Variants in TAF2 observed in about 807,000 individuals in gnomAD.
TAF2 encodes the protein transcription initiation factor TFIID subunit 2.
Under a neutral mutation model 138.5 loss-of-function variants are expected in TAF2, and 61 were observed. The ratio of observed to expected loss-of-function variants is 0.44; its 90% CI spans 0.36 to 0.54. The LOEUF (loss-of-function observed/expected upper bound fraction) is 0.54, where lower values mean the gene tolerates loss of function less well. Ranked by LOEUF, TAF2 falls within the 20% of genes least tolerant of loss-of-function variation. The pLI is 0.00. For synonymous variants in TAF2, 475 were observed against 469.9 expected, an observed-to-expected ratio of 1.01 and a Z score of -0.14; for missense variants, 1,090 against 1,427.9, an observed-to-expected ratio of 0.76 and a Z score of 3.81.
rs1038262284 is a variant in TAF2, at chr8:119,794,688, C to T, written c.1191+844G>A. On this transcript the variant is annotated intron_variant, in intron 9 of 25. Coordinates refer to ENST00000378164, the MANE Select transcript of TAF2 (RefSeq NM_003184.4). ...TATTTATAAAACATTTGTAACAGTGCGTGAAATATTTTAAGTGTTGTGTTA... is the reference window on the plus strand; with the variant it reads ...TATTTATAAAACATTTGTAACAGTGTGTGAAATATTTTAAGTGTTGTGTTA... Among the ~76,000 whole-genome samples the T allele has an allele frequency of 3.9e-5, 6 of 152,148 alleles. 1 individual carries two copies. Among genetic ancestry groups the T allele is most frequent in the South Asian group, 4.2e-4 (2 of 4,818 alleles).
At position 119,762,415 on chromosome 8, in the gene TAF2, C is replaced by G; in HGVS notation, c.2558G>C (p.Ser853Thr). The change falls in exon 19 of 26, where the codon AGT (serine) becomes ACT (threonine). Residue 853 changes from serine to threonine, a missense_variant and splice_region_variant. Ser to Thr is a moderately conservative substitution (Grantham distance 58). This residue lies in a region of TAF2 where 580 missense variants were observed against 719.6 expected (regional missense o/e 0.81). Transcript: ENST00000378164. ...TTTAAAGTAAGGAATTTAATCATAC[C>G]TGACAGTGATGGTATGCCTGTAACT... is the stretch of plus-strand genomic sequence containing the variant. ...LPSYRHTITV[S>T]CLRAIRVLQK... 6.2e-7 allele frequency: 1 copy of G among 1,613,034 alleles called. No homozygotes were observed. The highest frequency in any genetic ancestry group is 8.5e-7 in the Non-Finnish European group (1 of 1,179,334).
intron 6 of TAF2, among the ~76,000 whole-genome samples, chr8:119,800,665 C>T (rs917056695): frequency 6.6e-6 from 1 of 152,134 alleles, no homozygotes; most frequent in African/African-American, 2.4e-5. Context: ...ATTGTTAAGA[C>T]AACGTAAGCA....
At chr8:119,805,701 G>A (rs773489351) in intron 4 of TAF2, among the ~76,000 whole-genome samples, 14 of 150,846 alleles carry the variant, frequency 9.3e-5, no homozygotes, top group South Asian at 2.1e-4. Flanking sequence ...GCGAAACTCC[G>A]TCTCAAAAAA....
intron 2 of TAF2, 83 bp downstream of exon 2, chr8:119,831,594 A>G (rs1826449309): frequency 2.9e-6 from 3 of 1,046,828 alleles, no homozygotes; most frequent in African/African-American, 3.1e-5. Context: ...GAAGACTACA[A>G]ACTTTCTAAG....
chr8:119,785,257 C>T lies in TAF2; in HGVS notation c.1803G>A (p.Lys601=). The change falls in exon 15 of 26, where the codon AAG becomes AAA. Residue 601 remains lysine (K), a synonymous_variant. Coordinates refer to ENST00000378164, the MANE Select transcript of TAF2 (RefSeq NM_003184.4). ...PCHSKSRRNK[K]KKIPLMNGEE... is the part of the protein sequence containing the mutation. The stretch of plus-strand genomic sequence containing the variant: ...CTCCATTCATCAGTGGGATTTTTTT[C>T]TTTTTATTCCTACATTTAAGAAAAA... 1 of 1,611,502 alleles carries T rather than the reference C, an allele frequency of 6.2e-7. No homozygotes were observed. The highest frequency in any genetic ancestry group is 1.3e-5 in the African/African-American group (1 of 74,938).
At chr8:119,746,460 T>A (rs1048891373) in intron 23 of TAF2, among the ~76,000 whole-genome samples, 5 of 141,906 alleles carry the variant, frequency 3.5e-5, no homozygotes, top group Admixed American at 7.4e-5. Flanking sequence ...ATAAAAAAAA[T>A]AACTAGGTTA....
At chr8:119,768,470 AT>A (rs1314985801) in intron 18 of TAF2, among the ~76,000 whole-genome samples, 2 of 142,108 alleles carry the variant, frequency 1.4e-5, no homozygotes, top group Non-Finnish European at 3.2e-5. Flanking sequence ...AAAACTCCTT[AT>A]TTTTTCCTCT....
intron 22 of TAF2, among the ~76,000 whole-genome samples, chr8:119,752,812 T>C (rs1023005777): frequency 3.9e-5 from 6 of 152,234 alleles, no homozygotes; most frequent in African/African-American, 1.4e-4. Context: ...TTTGTAACTA[T>C]GCAAAGTCAA....
At chr8:119,770,945 C>T (rs1449662375) in intron 18 of TAF2, among the ~76,000 whole-genome samples, 1 of 152,092 alleles carries the variant, frequency 6.6e-6, no homozygotes, top group Non-Finnish European at 1.5e-5. Context: ...GTGGCATGCA[C>T]CTGTAGTCCC....
chr8:119,831,404 G>A (rs970546041), intron 2 of TAF2, among the ~76,000 whole-genome samples: 2 of 151,676 alleles, frequency 1.3e-5, no homozygotes, highest in African/African-American at 4.9e-5. Context: ...TAAAATGCTT[G>A]GCTATACAGG....
intron 18 of TAF2, among the ~76,000 whole-genome samples, chr8:119,768,476 T>C (rs140376992): frequency 7.2e-6 from 1 of 138,738 alleles, no homozygotes; most frequent in African/African-American, 2.4e-5. Context: ...CCTTATTTTT[T>C]CCTCTTGGTA....
At chr8:119,766,350 G>A (rs1349740525) in intron 18 of TAF2, among the ~76,000 whole-genome samples, 1 of 152,124 alleles carries the variant, frequency 6.6e-6, no homozygotes. Flanking sequence ...ATGCTGCTGT[G>A]TACAGGACAG....
chr8:119,760,254 T>A (rs893168875), intron 20 of TAF2, among the ~76,000 whole-genome samples: 1 of 152,190 alleles, frequency 6.6e-6, no homozygotes, highest in Non-Finnish European at 1.5e-5. Context: ...AGTCCTCTAC[T>A]TTCACAGACA....
At chr8:119,821,424 A>C (rs1825801955) in intron 2 of TAF2, among the ~76,000 whole-genome samples, 1 of 152,182 alleles carries the variant, frequency 6.6e-6, no homozygotes, top group Non-Finnish European at 1.5e-5. Flanking sequence ...CTCTTGCCTT[A>C]AATGAAATGG....
chr8:119,824,691 T>A (rs2131266209), intron 2 of TAF2, among the ~76,000 whole-genome samples: 1 of 152,244 alleles, frequency 6.6e-6, no homozygotes, highest in African/African-American at 2.4e-5. Context: ...CTGCATCCTA[T>A]CCACTCCAGC....
intron 22 of TAF2, among the ~76,000 whole-genome samples, chr8:119,749,010 T>C (rs1372618438): frequency 1.3e-5 from 2 of 152,124 alleles, no homozygotes; most frequent in African/African-American, 2.4e-5. Flanking sequence ...GTCGCCATGA[T>C]TATGTGTGCT....
intron 8 of TAF2, 47 bp from the exon 9 acceptor site, chr8:119,795,678 CTCAGA>C (rs771251866): frequency 4.0e-6 from 6 of 1,498,698 alleles, no homozygotes; most frequent in Non-Finnish European, 4.6e-6. Flanking sequence ...ATAAAAACTC[CTCAGA>C]TAATGTCAAA....
At chr8:119,788,225 C>T in intron 14 of TAF2, 113 bp downstream of exon 14, 1 of 889,666 alleles carries the variant, frequency 1.1e-6, no homozygotes, top group South Asian at 1.4e-5. Context: ...TATCCCACAA[C>T]TTAAAGTATA....
rs542274084 is a variant in TAF2, at chr8:119,824,249, T to C, written c.139-4743A>G. Among the ~76,000 whole-genome samples the C allele has an allele frequency of 2.6e-5, 4 of 151,738 alleles. No homozygotes were observed. The East Asian group carries it at 7.8e-4, about 30-fold the overall frequency. On this transcript the variant is annotated intron_variant, in intron 2 of 25. Transcript: ENST00000378164. ...TTCAAGACCAGCCTGGCCAAGACAG[T>C]GAAACCCCATCTCTACTAAAAATAC... is the stretch of plus-strand genomic sequence containing the variant.
Sources: gnomAD v4.1 joint callset for allele counts (sites outside exome capture counted in the v4.1 genomes callset) on GRCh38, gnomAD v4.1.1 for gene constraint, gnomAD v4.1.1 regional missense constraint, MANE v1.5 for transcripts, NCBI Gene and HGNC (gene_info 2026-07-23, HGNC 2026-07-21) for gene names.